The following SLC24A3 variants were observed in gnomAD, a reference collection of about 807,000 sequenced individuals.
The protein encoded by SLC24A3 is sodium/potassium/calcium exchanger 3.
Under a neutral mutation model 75.8 loss-of-function variants are expected in SLC24A3, and 28 were observed. The observed-to-expected ratio is 0.37, with a 90% CI of 0.27 to 0.51. The LOEUF (loss-of-function observed/expected upper bound fraction) is 0.51. Among genes scored for constraint, SLC24A3 ranks in the 20% least tolerant of loss-of-function variants. The probability of loss-of-function intolerance (pLI) is 0.94; values close to 1 mark genes in which losing one functional copy is unlikely to be tolerated. For missense variants in SLC24A3, 663 were observed against 847.8 expected (o/e 0.78, Z 2.71); for synonymous variants, 372 against 334.1 (o/e 1.11, Z -1.24).
chr20:19,583,883 C>T (rs1035758480), intron 4 of SLC24A3, among the ~76,000 whole-genome samples: 1 of 152,166 alleles, frequency 6.6e-6, no homozygotes, highest in African/African-American at 2.4e-5. Context: ...CAGCCGACAG[C>T]GAAGCGACCC....
chr20:19,275,461 T>A (rs1983455411), intron 1 of SLC24A3, among the ~76,000 whole-genome samples: 1 of 152,148 alleles, frequency 6.6e-6, no homozygotes, highest in Non-Finnish European at 1.5e-5. Flanking sequence ...CAGCTCCACC[T>A]CTCCACCAGG....
rs370462911 is a variant in SLC24A3 at position 19,303,999 on chromosome 20, C to T, written c.271+22912C>T. On this transcript the variant is annotated intron_variant, in intron 2 of 16. Transcript: ENST00000328041. ...AGGAGGCCATGGGTGACCTTATCTC[C>T]TAGCTTCGAGGATCCAAAACTAACA... 1.1e-4 allele frequency among the ~76,000 whole-genome samples: 16 copies of T among 152,298 alleles called. No homozygotes were observed. The East Asian group carries it at 2.1e-3, about 20-fold the overall frequency.
chr20:19,325,816 AGAGAG>A (rs1984843996), intron 2 of SLC24A3, among the ~76,000 whole-genome samples: 1 of 116,298 alleles, frequency 8.6e-6, no homozygotes, highest in Admixed American at 8.7e-5. Flanking sequence ...AGAGAGAGAG[AGAGAG>A]AGAGAGAGAG....
At chr20:19,561,078 C>T (rs1184857862) in intron 3 of SLC24A3, among the ~76,000 whole-genome samples, 6 of 152,124 alleles carry the variant, frequency 3.9e-5, no homozygotes, top group South Asian at 4.2e-4. Context: ...GGAGTATTTC[C>T]GCTGACCTTT....
intron 2 of SLC24A3, among the ~76,000 whole-genome samples, chr20:19,328,317 T>C (rs535273939): frequency 1.6e-4 from 24 of 151,768 alleles, no homozygotes; most frequent in Middle Eastern, 3.4e-3. Context: ...CACTGTGGAG[T>C]GGAGAGCCGC....
chr20:19,237,001 C>G (rs936027272), intron 1 of SLC24A3, among the ~76,000 whole-genome samples: 9 of 152,172 alleles, frequency 5.9e-5, no homozygotes, highest in African/African-American at 1.9e-4. Context: ...CTGGACACTT[C>G]CAAGCCTTGC....
intron 1 of SLC24A3, among the ~76,000 whole-genome samples, chr20:19,267,798 G>C (rs1008545083): frequency 2.0e-5 from 3 of 152,142 alleles, no homozygotes; most frequent in Non-Finnish European, 4.4e-5. Flanking sequence ...GTCACCTTGA[G>C]GGATGTGGAG....
At chr20:19,364,334 A>G (rs1422465088) in intron 2 of SLC24A3, among the ~76,000 whole-genome samples, 1 of 152,094 alleles carries the variant, frequency 6.6e-6, no homozygotes, top group Non-Finnish European at 1.5e-5. Context: ...GAGGGGTACA[A>G]AGATGGACTG....
chr20:19,566,864 CT>C (rs1003686776), intron 3 of SLC24A3, among the ~76,000 whole-genome samples: 6 of 152,096 alleles, frequency 3.9e-5, no homozygotes, highest in Non-Finnish European at 8.8e-5. Flanking sequence ...CAAAAATGAA[CT>C]TTTTTAAAGA....
intron 10 of SLC24A3, among the ~76,000 whole-genome samples, chr20:19,683,480 C>T (rs1355541784): frequency 6.6e-6 from 1 of 152,208 alleles, no homozygotes; most frequent in Non-Finnish European, 1.5e-5. Context: ...TTGTCCCAAG[C>T]ACTCTTCTGA....
chr20:19,582,084 G>A (rs1434674492), intron 4 of SLC24A3, among the ~76,000 whole-genome samples: 1 of 152,188 alleles, frequency 6.6e-6, no homozygotes. Context: ...AATGATGGGT[G>A]GGCTGAGGTC....
At chr20:19,292,451 A>G (rs2122236830) in intron 2 of SLC24A3, among the ~76,000 whole-genome samples, 1 of 152,334 alleles carries the variant, frequency 6.6e-6, no homozygotes, top group East Asian at 1.9e-4. Context: ...CTTAGTTGTC[A>G]AAGCACAGGA....
At chr20:19,515,224 G>C (rs2029960687) in intron 2 of SLC24A3, among the ~76,000 whole-genome samples, 1 of 152,208 alleles carries the variant, frequency 6.6e-6, no homozygotes, top group African/African-American at 2.4e-5. Flanking sequence ...CAGTGGGTGA[G>C]AGCTGCACAA....
At chr20:19,501,836 C>A (rs1988388999) in intron 2 of SLC24A3, among the ~76,000 whole-genome samples, 1 of 152,144 alleles carries the variant, frequency 6.6e-6, no homozygotes, top group Non-Finnish European at 1.5e-5. Context: ...ACCTCCCAGG[C>A]TTTCCATCCT....
chr20:19,650,126 C>A (rs1600321076), intron 6 of SLC24A3, among the ~76,000 whole-genome samples: 1 of 151,884 alleles, frequency 6.6e-6, no homozygotes, highest in Non-Finnish European at 1.5e-5. Context: ...GGAAAGAATT[C>A]TTTGGTTTGA....
intron 2 of SLC24A3, among the ~76,000 whole-genome samples, chr20:19,508,560 T>C (rs1988492958): frequency 6.6e-6 from 1 of 152,016 alleles, no homozygotes; most frequent in Non-Finnish European, 1.5e-5. Flanking sequence ...TTTAGACTCA[T>C]CAAACTCGGG....
rs375243217 is a variant in SLC24A3 at position 19,259,437 on chromosome 20, C to T, written c.143-21522C>T. Among the ~76,000 whole-genome samples, 314 of 152,298 alleles carry T rather than the reference C, an allele frequency of 2.1e-3. 10 individuals carry two copies. In the South Asian group the frequency reaches 0.061, roughly 29 times the overall value. ...CCATGTCACTCTGCTGGTGACAGTTCAGGACCAGAGGCCTTTAATCATAGT... is the reference window on the plus strand; with the variant it reads ...CCATGTCACTCTGCTGGTGACAGTTTAGGACCAGAGGCCTTTAATCATAGT... On this transcript the variant is annotated intron_variant, in intron 1 of 16. Transcript: ENST00000328041.
intron 2 of SLC24A3, among the ~76,000 whole-genome samples, chr20:19,428,025 G>T (rs1192797651): frequency 6.6e-6 from 1 of 152,184 alleles, no homozygotes; most frequent in Non-Finnish European, 1.5e-5. Flanking sequence ...CCTCATATTT[G>T]AATTACTCAG....
At chr20:19,285,303 C>T (rs1227032578) in intron 2 of SLC24A3, among the ~76,000 whole-genome samples, 1 of 151,920 alleles carries the variant, frequency 6.6e-6, no homozygotes, top group Non-Finnish European at 1.5e-5. Flanking sequence ...CATGGTGAAA[C>T]CCCATCTCTA....
Sources: gnomAD v4.1 joint callset for allele counts (sites outside exome capture counted in the v4.1 genomes callset) on GRCh38, gnomAD v4.1.1 for gene constraint, MANE v1.5 for transcripts, NCBI Gene and HGNC (gene_info 2026-07-23, HGNC 2026-07-21) for gene names.